The following DNMBP variants were observed in gnomAD, a reference collection of about 807,000 sequenced individuals.
DNMBP encodes the protein dynamin-binding protein.
Under a neutral mutation model 150.0 loss-of-function variants are expected in DNMBP, and 87 were observed. The ratio of observed to expected loss-of-function variants is 0.58; its 90% CI spans 0.49 to 0.69. DNMBP has a LOEUF of 0.69. Ranked by LOEUF, DNMBP falls within the 30% of genes least tolerant of loss-of-function variation. The pLI is 0.00. For synonymous variants in DNMBP, 711 were observed against 750.4 expected, an observed-to-expected ratio of 0.95 and a Z score of 0.86; for missense variants, 1,774 against 1,949.0, an observed-to-expected ratio of 0.91 and a Z score of 1.69.
chr10:99,927,725 T>C (rs1185388148), intron 4 of DNMBP, among the ~76,000 whole-genome samples: 3 of 152,184 alleles, frequency 2.0e-5, no homozygotes, highest in African/African-American at 7.2e-5. Flanking sequence ...AATATGAATA[T>C]ACTTTCAAAA....
At chr10:99,906,130 A>AG (rs56680772) in intron 6 of DNMBP, among the ~76,000 whole-genome samples, 8,132 of 152,178 alleles carry the variant, frequency 0.053, 239 homozygotes, top group Middle Eastern at 0.18. Flanking sequence ...TCCTCCCTTC[A>AG]GGGGGCAGAA....
chr10:99,971,860 C>CTTTT (rs111359576), intron 2 of DNMBP, 120 bp downstream of exon 2: 149 of 706,856 alleles, frequency 2.1e-4, no homozygotes, highest in South Asian at 5.0e-4. Context: ...TTCTTTCTTT[C>CTTTT]TTTTTTTTTT....
intron 1 of DNMBP, among the ~76,000 whole-genome samples, chr10:100,001,409 T>TA (rs2041010341): frequency 1.9e-5 from 1 of 52,116 alleles, no homozygotes; most frequent in Non-Finnish European, 3.9e-5. Flanking sequence ...GTTTTGTTGT[T>TA]GTTGTTTTTT....
chr10:99,911,763 AGAAT>A (rs1329646413), intron 4 of DNMBP, among the ~76,000 whole-genome samples: 2 of 152,236 alleles, frequency 1.3e-5, no homozygotes, highest in African/African-American at 4.8e-5. Flanking sequence ...ACTTTTTGGT[AGAAT>A]GAATGGCAAA....
intron 2 of DNMBP, 35 bp from the exon 3 acceptor site, chr10:99,969,272 C>T (rs1049708812): frequency 1.9e-6 from 3 of 1,611,424 alleles, no homozygotes; most frequent in Non-Finnish European, 2.5e-6. Flanking sequence ...AATTTTAATA[C>T]TGAGATTTCT....
intron 1 of DNMBP, among the ~76,000 whole-genome samples, chr10:99,999,448 C>T (rs1360040127): frequency 6.6e-6 from 1 of 152,118 alleles, no homozygotes; most frequent in African/African-American, 2.4e-5. Flanking sequence ...AAAATATGAG[C>T]TGCTGTTTTT....
intron 4 of DNMBP, among the ~76,000 whole-genome samples, chr10:99,912,446 A>G (rs993171764): frequency 2.6e-5 from 4 of 152,178 alleles, no homozygotes; most frequent in African/African-American, 7.2e-5. Flanking sequence ...GAGAAAAACA[A>G]TAACAATTCT....
intron 1 of DNMBP, among the ~76,000 whole-genome samples, chr10:99,978,884 T>A (rs1347754166): frequency 3.3e-5 from 5 of 152,142 alleles, no homozygotes; most frequent in Non-Finnish European, 7.4e-5. Context: ...CAGCAGTTTT[T>A]TTTTATTTTT....
chr10:99,877,096 ACC>A lies in DNMBP; in HGVS notation c.*53_*54del. On this transcript the variant is annotated 3_prime_UTR_variant, in exon 17 of 17. Transcript: ENST00000324109. Reference sequence around the variant, plus strand: ...GGCGCCCTCTCGGTGGGCCGCCAGAACCCTCGGCGGACTGAAAGCAAAGGCAG... The same window carrying A: ...GGCGCCCTCTCGGTGGGCCGCCAGAACTCGGCGGACTGAAAGCAAAGGCAG... The A allele has an allele frequency of 1.4e-6, 2 of 1,396,280 alleles. No individual in the cohort carries two copies. Among genetic ancestry groups the A allele is most frequent in the African/African-American group, 1.8e-5 (1 of 57,128 alleles). 86.5% of individuals were successfully genotyped at this position (1,396,280 alleles called of 1,614,324 possible). A position where few individuals can be genotyped will look rare whatever the true frequency, so the allele number is the denominator to read the frequency against.
At chr10:99,879,403 G>A (rs919717689) in intron 16 of DNMBP, among the ~76,000 whole-genome samples, 9 of 152,136 alleles carry the variant, frequency 5.9e-5, no homozygotes, top group Non-Finnish European at 1.3e-4. Flanking sequence ...CTTGAGAGGT[G>A]GAGGTTGCAG....
intron 1 of DNMBP, among the ~76,000 whole-genome samples, chr10:99,988,748 G>A (rs1480169100): frequency 1.3e-5 from 2 of 152,078 alleles, no homozygotes; most frequent in Admixed American, 6.6e-5. Context: ...TGCAACCTCT[G>A]CCTCCTGGGT....
chr10:99,887,116 T>C (rs188113693), intron 12 of DNMBP, among the ~76,000 whole-genome samples: 41 of 149,662 alleles, frequency 2.7e-4, no homozygotes, highest in Non-Finnish European at 5.0e-4. Context: ...TGAGACGGAG[T>C]CTTGCTCTGT....
chr10:99,982,205 G>A (rs1220143406), intron 1 of DNMBP, among the ~76,000 whole-genome samples: 1 of 152,192 alleles, frequency 6.6e-6, no homozygotes, highest in Non-Finnish European at 1.5e-5. Flanking sequence ...AGCACTTTGG[G>A]AGGCAGAGGA....
At chr10:99,879,640 CT>C (rs1043627946) in intron 16 of DNMBP, among the ~76,000 whole-genome samples, 170 bp downstream of exon 16, 2 of 152,176 alleles carry the variant, frequency 1.3e-5, no homozygotes, top group Admixed American at 1.3e-4. Flanking sequence ...GGGGAAGGTG[CT>C]CAGAAGGCTC....
chr10:99,928,130 C>G (rs1410959089), intron 4 of DNMBP: 1 of 152,124 alleles, frequency 6.6e-6, no homozygotes, highest in Non-Finnish European at 1.5e-5. Flanking sequence ...CCAACTAAAG[C>G]TGGGTTTGGT....
At chr10:99,993,905 C>T (rs538411595) in intron 1 of DNMBP, among the ~76,000 whole-genome samples, 13 of 152,298 alleles carry the variant, frequency 8.5e-5, no homozygotes, top group African/African-American at 2.4e-4. Flanking sequence ...CTGCCACCCA[C>T]ATCCACCTCC....
chr10:99,877,370 C>T (rs760115310), intron 16 of DNMBP, 34 bp from the exon 17 acceptor site: 6 of 1,563,094 alleles, frequency 3.8e-6, no homozygotes, highest in Middle Eastern at 3.4e-4. Flanking sequence ...TGGGAAATTG[C>T]TGGGAGCAAT....
chr10:99,879,101 A>AAAAAAAAACAAAAAAAAAAC (rs1554857510), intron 16 of DNMBP, among the ~76,000 whole-genome samples: 1 of 135,084 alleles, frequency 7.4e-6, no homozygotes, highest in Non-Finnish European at 1.5e-5. Flanking sequence ...AAAAAAAAAA[A>AAAAAAAAACAAAAAAAAAAC]CCCAAAACGT....
intron 4 of DNMBP, among the ~76,000 whole-genome samples, chr10:99,953,470 C>T (rs2040446285): frequency 6.6e-6 from 1 of 152,064 alleles, no homozygotes; most frequent in South Asian, 2.1e-4. Flanking sequence ...TGTGAACATT[C>T]TTCCTGTAGG....
Sources: gnomAD v4.1 joint callset for allele counts (sites outside exome capture counted in the v4.1 genomes callset) on GRCh38, gnomAD v4.1.1 for gene constraint, MANE v1.5 for transcripts, NCBI Gene and HGNC (gene_info 2026-07-23, HGNC 2026-07-21) for gene names.